NRG1: variants seen among roughly 807,000 people sequenced by gnomAD.
The protein encoded by NRG1 is neuregulin 1, also known as pro-neuregulin-1, membrane-bound isoform.
Under a neutral mutation model 63.8 loss-of-function variants are expected in NRG1, and 18 were observed. That is an observed-to-expected ratio of 0.28 (90% CI 0.19 to 0.42). The LOEUF (loss-of-function observed/expected upper bound fraction) is 0.42. NRG1 is among the 10% of genes least tolerant of loss of function. The pLI is 1.00. For missense variants in NRG1, 762 were observed against 814.7 expected (o/e 0.94, Z 0.79); for synonymous variants, 302 against 301.3 (o/e 1.00, Z -0.02).
Position 32,177,885 on chromosome 8 carries a change from G to A in NRG1, c.38-417943G>A, listed in dbSNP as rs546529652. 2.0e-5 allele frequency among the ~76,000 whole-genome samples: 3 copies of A among 152,080 alleles called. No homozygotes were observed. In the East Asian group the frequency reaches 5.8e-4, roughly 30 times the overall value. ...TGTGGTGCCTTGCACAGACCGAGAA[G>A]GAAGAGAAAGGAAGCAACACTTGCA... On this transcript the variant is annotated intron_variant, in intron 1 of 10. Transcript: ENST00000519301.
At chr8:32,605,733 C>A in intron 3 of NRG1, 50 bp downstream of exon 3, 1 of 1,597,628 alleles carries the variant, frequency 6.3e-7, no homozygotes, top group South Asian at 1.1e-5. Flanking sequence ...CAAGAGTAAT[C>A]AAAACATGTG....
chr8:32,220,414 AAGGGACGG>A (rs1433047735), intron 1 of NRG1, among the ~76,000 whole-genome samples: 1 of 152,018 alleles, frequency 6.6e-6, no homozygotes, highest in Non-Finnish European at 1.5e-5. Flanking sequence ...TGCATAATAT[AAGGGACGG>A]AGCGGAGCAG....
At chr8:32,743,546 CAT>C (rs1258014038) in intron 7 of NRG1, among the ~76,000 whole-genome samples, 3 of 107,484 alleles carry the variant, frequency 2.8e-5, no homozygotes, top group South Asian at 5.9e-4. Flanking sequence ...CGTGTATATA[CAT>C]ATATATATAA....
intron 1 of NRG1, among the ~76,000 whole-genome samples, chr8:32,522,668 C>CA (rs1830446146): frequency 6.6e-6 from 1 of 152,196 alleles, no homozygotes; most frequent in Non-Finnish European, 1.5e-5. Flanking sequence ...CTTATATCTT[C>CA]AATTTCTCCC....
intron 5 of NRG1, among the ~76,000 whole-genome samples, chr8:32,710,685 T>C (rs1318438293): frequency 6.6e-6 from 1 of 152,192 alleles, no homozygotes; most frequent in Non-Finnish European, 1.5e-5. Flanking sequence ...TAGAATCCCT[T>C]ATAACACTCT....
chr8:32,308,885 T>C (rs1856515119), intron 1 of NRG1, among the ~76,000 whole-genome samples: 1 of 152,222 alleles, frequency 6.6e-6, no homozygotes, highest in South Asian at 2.1e-4. Flanking sequence ...AAACTATTCA[T>C]TCCTTCCTCT....
intron 1 of NRG1, among the ~76,000 whole-genome samples, chr8:31,757,434 A>G (rs552928899): frequency 6.6e-6 from 1 of 152,188 alleles, no homozygotes; most frequent in African/African-American, 2.4e-5. Context: ...CTAAATCAGG[A>G]CATTAGTTTT....
chr8:32,576,431 A>T (rs1449674052), intron 1 of NRG1, among the ~76,000 whole-genome samples: 1 of 152,228 alleles, frequency 6.6e-6, no homozygotes, highest in Admixed American at 6.5e-5. Context: ...AACTATCCCA[A>T]TGCCAATTGA....
intron 1 of NRG1, among the ~76,000 whole-genome samples, chr8:31,972,592 A>G (rs979919020): frequency 9.2e-5 from 14 of 152,058 alleles, no homozygotes; most frequent in African/African-American, 2.9e-4. Context: ...TAGGACCCCA[A>G]TGTTGATCAC....
chr8:32,686,613 A>G (rs1359843355), intron 5 of NRG1, among the ~76,000 whole-genome samples: 2 of 152,250 alleles, frequency 1.3e-5, no homozygotes, highest in Non-Finnish European at 2.9e-5. Flanking sequence ...ACCATTTAAG[A>G]GATATCAACA....
At chr8:32,060,872 T>C (rs925928348) in intron 1 of NRG1, among the ~76,000 whole-genome samples, 1 of 151,996 alleles carries the variant, frequency 6.6e-6, no homozygotes, top group African/African-American at 2.4e-5. Flanking sequence ...AACACAATTA[T>C]GACCACATAA....
chr8:32,238,497 A>C (rs1373514941), intron 1 of NRG1, among the ~76,000 whole-genome samples: 1 of 152,008 alleles, frequency 6.6e-6, no homozygotes, highest in African/African-American at 2.4e-5. Context: ...CTCTATCAGC[A>C]TAGTGTCACC....
chr8:31,639,317 C>CA, exon 1 of NRG1: 2 of 1,514,614 alleles, frequency 1.3e-6, no homozygotes, highest in Non-Finnish European at 1.8e-6. Flanking sequence ...CTCGGGGCGA[C>CA]AGAGAGGGAG....
intron 5 of NRG1, among the ~76,000 whole-genome samples, chr8:32,704,623 A>G (rs757374561): frequency 4.7e-4 from 71 of 152,344 alleles, no homozygotes; most frequent in Admixed American, 1.7e-3. Context: ...GAATTTTATG[A>G]TTTGAGAAAA....
exon 1 of NRG1, chr8:32,548,544 C>G (rs1410653106): frequency 3.5e-5 from 44 of 1,254,466 alleles, no homozygotes; most frequent in African/African-American, 6.3e-5. Flanking sequence ...CCGGACCGCC[C>G]GCCGCGTCCG....
chr8:32,228,911 T>C (rs1290104774), intron 1 of NRG1, among the ~76,000 whole-genome samples: 1 of 152,132 alleles, frequency 6.6e-6, no homozygotes, highest in Non-Finnish European at 1.5e-5. Context: ...CAAAGAGAAT[T>C]TCCCGCCAAA....
chr8:32,161,605 A>G (rs986099963), intron 1 of NRG1, among the ~76,000 whole-genome samples: 1 of 152,048 alleles, frequency 6.6e-6, no homozygotes, highest in Non-Finnish European at 1.5e-5. Flanking sequence ...TAGCCAAACC[A>G]TGCTAACTCT....
intron 1 of NRG1, among the ~76,000 whole-genome samples, chr8:32,400,522 T>C (rs1587384037): frequency 6.6e-6 from 1 of 152,294 alleles, no homozygotes; most frequent in Middle Eastern, 3.4e-3. Flanking sequence ...GATATACACA[T>C]GGCCAATAAG....
chr8:32,121,367 T>A (rs1011949235), intron 1 of NRG1, among the ~76,000 whole-genome samples: 2 of 151,658 alleles, frequency 1.3e-5, no homozygotes, highest in African/African-American at 4.8e-5. Context: ...CCTTTGGGAA[T>A]CCATGTAGGC....
Sources: allele counts gnomAD v4.1 joint callset (sites outside exome capture counted in the v4.1 genomes callset), GRCh38; gene constraint gnomAD v4.1.1; transcripts MANE v1.5; gene names NCBI Gene and HGNC (gene_info 2026-07-23, HGNC 2026-07-21).